ADAMTS5: variants seen among roughly 807,000 people sequenced by gnomAD.
ADAMTS5 encodes ADAM metallopeptidase with thrombospondin type 1 motif 5.
A neutral mutation model predicts 81.4 loss-of-function variants in ADAMTS5; 54 were observed. The observed-to-expected ratio is 0.66, with a 90% confidence interval of 0.53 to 0.83. The LOEUF is 0.83. ADAMTS5 is among the 40% of genes least tolerant of loss of function. The pLI, the probability that ADAMTS5 is intolerant of heterozygous loss-of-function variation, is 0.00. For missense variants in ADAMTS5, 1,194 were observed against 1,229.9 expected, an observed-to-expected ratio of 0.97 and a Z score of 0.44; for synonymous variants, 532 against 508.8, an observed-to-expected ratio of 1.05 and a Z score of -0.61.
At chr21:26,944,094 G>C (rs866578933) in intron 2 of ADAMTS5, among the ~76,000 whole-genome samples, 17 of 152,300 alleles carry the variant, frequency 1.1e-4, no homozygotes, top group African/African-American at 4.1e-4. Flanking sequence ...GACTAGGGGA[G>C]ACAAAGAAAG....
intron 7 of ADAMTS5, 146 bp from the exon 8 acceptor site, chr21:26,924,766 A>G: frequency 1.4e-6 from 1 of 689,722 alleles, no homozygotes; most frequent in South Asian, 2.2e-5. Flanking sequence ...GATTAGTTTA[A>G]AATTGGGTTT....
rs1055210554 is a variant in ADAMTS5 at position 26,920,224 on chromosome 21, G to A, written c.*3829C>T. Reference sequence around the variant, plus strand: ...CTTGTTAACAAGGAAGGAATCAATGGGGAAATATCACAACCAGAGATTGGC... The same window carrying A: ...CTTGTTAACAAGGAAGGAATCAATGAGGAAATATCACAACCAGAGATTGGC... On this transcript the variant is annotated 3_prime_UTR_variant, in exon 8 of 8. Coordinates refer to ENST00000284987, the MANE Select transcript of ADAMTS5 (RefSeq NM_007038.5). The A allele has an allele frequency of 1.3e-5, 2 of 152,040 alleles. No individual in the cohort carries two copies. The highest frequency in any genetic ancestry group is 2.9e-5 in the Non-Finnish European group (2 of 67,980). The allele number at this position is 152,040 out of a possible 1,614,324, so 9.4% of individuals were successfully genotyped here.
At chr21:26,952,796 C>T (rs890697698) in intron 2 of ADAMTS5, among the ~76,000 whole-genome samples, 2 of 152,170 alleles carry the variant, frequency 1.3e-5, no homozygotes, top group African/African-American at 4.8e-5. Context: ...GACTTAGAAC[C>T]TTTCTTATGG....
In ADAMTS5 at chr21:26,919,677, C is replaced by T. The variant is rs1986653142; in HGVS notation, c.*4376G>A. The T allele has an allele frequency of 6.6e-6, 1 of 151,840 alleles. No homozygotes were observed. The highest frequency in any genetic ancestry group is 1.5e-5 in the Non-Finnish European group (1 of 67,934). 9.4% of individuals were successfully genotyped at this position (151,840 alleles called of 1,614,324 possible). On this transcript the variant is annotated 3_prime_UTR_variant, in exon 8 of 8. Coordinates refer to ENST00000284987, the MANE Select transcript of ADAMTS5 (RefSeq NM_007038.5). ...GTTCTCATACATTAAATAAATGAAA[C>T]ACAATTATACATTATAGAGTTTATA...
At chr21:26,947,578 C>T (rs11088016) in intron 2 of ADAMTS5, among the ~76,000 whole-genome samples, 16,600 of 151,894 alleles carry the variant, frequency 0.11, 1,424 homozygotes, top group East Asian at 0.45. Flanking sequence ...GCAGTACAGG[C>T]GCACACCACC....
intron 1 of ADAMTS5, among the ~76,000 whole-genome samples, chr21:26,958,400 G>A (rs1342749176): frequency 6.6e-6 from 1 of 152,098 alleles, no homozygotes; most frequent in African/African-American, 2.4e-5. Context: ...TTTGTTCTGT[G>A]GATCTGATTC....
At position 26,923,597 on chromosome 21, in the gene ADAMTS5, T is replaced by C. The variant is rs1600996091; in HGVS notation, c.*456A>G. 1 of 153,636 alleles carries C rather than the reference T, an allele frequency of 6.5e-6. No homozygotes were observed. The highest frequency in any genetic ancestry group is 1.5e-5 in the Non-Finnish European group (1 of 68,682). 9.5% of individuals were successfully genotyped at this position (153,636 alleles called of 1,614,324 possible). ...CTACTTTGGTCAAACACTTTTTTTA[T>C]AGAAATATATATGGATATTTTAATA... On this transcript the variant is annotated 3_prime_UTR_variant, in exon 8 of 8. Transcript: ENST00000284987.
At position 26,966,273 on chromosome 21, in the gene ADAMTS5, G is replaced by A. The variant is rs1373475944; in HGVS notation, c.119C>T (p.Ala40Val). 1 of 1,570,118 alleles carries A rather than the reference G, an allele frequency of 6.4e-7. No homozygotes were observed. Among genetic ancestry groups the A allele is most frequent in the Non-Finnish European group, 8.6e-7 (1 of 1,162,274 alleles). ...KAGQPPTAAA[A>V]AQPRRRQGEE... ...CCCCTGCCGCCGGCGGGGCTGGGCG[G>A]CTGCTGCAGCAGTCGGAGGCTGCCC... Residue 40 changes from alanine to valine, a missense_variant, in exon 1 of 8, where the codon GCC becomes GTC. Ala to Val is a moderately conservative substitution (Grantham distance 64). Transcript: ENST00000284987.
rs1439486337 is a variant in ADAMTS5, at chr21:26,921,563, A to G, written c.*2490T>C. ...GACAGTACGAAGTCAAAGTGGACTG[A>G]CTTAGATTGAGTTGTATAGAATTTT... On this transcript the variant is annotated 3_prime_UTR_variant, in exon 8 of 8. Coordinates refer to ENST00000284987, the MANE Select transcript of ADAMTS5 (RefSeq NM_007038.5). The G allele has an allele frequency of 6.6e-6, 1 of 152,244 alleles. No homozygotes were observed. Among genetic ancestry groups the G allele is most frequent in the East Asian group, 1.9e-4 (1 of 5,200 alleles). The allele number at this position is 152,244 out of a possible 1,614,324, so 9.4% of individuals were successfully genotyped here.
intron 3 of ADAMTS5, among the ~76,000 whole-genome samples, chr21:26,935,599 G>A (rs187005847): frequency 5.1e-4 from 77 of 152,212 alleles, no homozygotes; most frequent in African/African-American, 1.7e-3. Flanking sequence ...TCTATCTGCC[G>A]AAACAAGGTA....
chr21:26,921,692 G>T lies in ADAMTS5; in HGVS notation c.*2361C>A, dbSNP rs1352366109. ...CAGGAATTTAGACATACATTCCTCA[G>T]TCAATCTAGTGAGACTCATAAGAAA... is the stretch of plus-strand genomic sequence containing the variant. On this transcript the variant is annotated 3_prime_UTR_variant, in exon 8 of 8. Coordinates refer to ENST00000284987, the MANE Select transcript of ADAMTS5 (RefSeq NM_007038.5). 1 of 152,324 alleles carries T rather than the reference G, an allele frequency of 6.6e-6. No individual in the cohort carries two copies. Among genetic ancestry groups the T allele is most frequent in the Non-Finnish European group, 1.5e-5 (1 of 67,936 alleles). 9.4% of individuals were successfully genotyped at this position (152,324 alleles called of 1,614,324 possible). A position where few individuals can be genotyped will look rare whatever the true frequency, so the allele number is the denominator to read the frequency against.
At chr21:26,961,940 C>T (rs1013695441) in intron 1 of ADAMTS5, among the ~76,000 whole-genome samples, 3 of 152,054 alleles carry the variant, frequency 2.0e-5, no homozygotes, top group South Asian at 4.2e-4. Flanking sequence ...GGAGAAATGC[C>T]GTGTGGGGAG....
chr21:26,961,010 G>A (rs768860790), intron 1 of ADAMTS5, among the ~76,000 whole-genome samples: 2 of 152,168 alleles, frequency 1.3e-5, no homozygotes, highest in Non-Finnish European at 2.9e-5. Context: ...TTCCCTGTCT[G>A]TTTCCAGGAA....
At chr21:26,940,453 G>C (rs1231968498) in intron 3 of ADAMTS5, among the ~76,000 whole-genome samples, 1 of 152,178 alleles carries the variant, frequency 6.6e-6, no homozygotes, top group Non-Finnish European at 1.5e-5. Context: ...TTGACCTTTA[G>C]AAAATGGTAC....
chr21:26,962,975 G>A (rs1987557736), intron 1 of ADAMTS5, among the ~76,000 whole-genome samples: 1 of 151,574 alleles, frequency 6.6e-6, no homozygotes, highest in Non-Finnish European at 1.5e-5. Context: ...CCCCTAATTA[G>A]TAACACTCTT....
intron 1 of ADAMTS5, among the ~76,000 whole-genome samples, chr21:26,962,211 T>TAA (rs34015667): frequency 6.7e-6 from 1 of 149,440 alleles, no homozygotes; most frequent in Non-Finnish European, 1.5e-5. Context: ...GCAAATGGTC[T>TAA]AAAAAAAAAC....
Position 26,965,719 on chromosome 21 carries a change from G to T in ADAMTS5, c.673C>A (p.His225Asn). 1 of 1,587,974 alleles carries T rather than the reference G, an allele frequency of 6.3e-7. No homozygotes were observed. The highest frequency in any genetic ancestry group is 8.6e-7 in the Non-Finnish European group (1 of 1,168,804). The change falls in exon 1 of 8, where the codon CAC (histidine) becomes AAC (asparagine). Residue 225 changes from histidine to asparagine, a missense_variant. His to Asn is a moderately conservative substitution (Grantham distance 68, BLOSUM62 1). Coordinates refer to ENST00000284987, the MANE Select transcript of ADAMTS5 (RefSeq NM_007038.5). ...GCTGCGCGTCCGCTCGGGTTGCTGTGCGCCGGAGCATGCTCGTGGGCCTCC... is the reference window on the plus strand; with the variant it reads ...GCTGCGCGTCCGCTCGGGTTGCTGTTCGCCGGAGCATGCTCGTGGGCCTCC... ...TPEAHEHAPA[H>N]SNPSGRAALA...
chr21:26,952,382 G>A lies in ADAMTS5; in HGVS notation c.1237+2357C>T, dbSNP rs538921461. On this transcript the variant is annotated intron_variant, in intron 2 of 7. Coordinates refer to ENST00000284987, the MANE Select transcript of ADAMTS5 (RefSeq NM_007038.5). ...TGTATATATTTAGTTTTAATATAAC[G>A]TTTGTGCTTATCAGCATCTGGCTTC... is the stretch of plus-strand genomic sequence containing the variant. Among the ~76,000 whole-genome samples the A allele has an allele frequency of 1.5e-4, 23 of 152,292 alleles. No homozygotes were observed. In the East Asian group the frequency reaches 3.5e-3, roughly 23 times the overall value.
At chr21:26,947,385 C>A (rs1315569446) in intron 2 of ADAMTS5, among the ~76,000 whole-genome samples, 6 of 152,042 alleles carry the variant, frequency 3.9e-5, no homozygotes, top group Non-Finnish European at 8.8e-5. Context: ...GAGTATTTTC[C>A]AAGCGGTGCC....
Sources: allele counts gnomAD v4.1 joint callset (sites outside exome capture counted in the v4.1 genomes callset), GRCh38; gene constraint gnomAD v4.1.1; transcripts MANE v1.5; gene names NCBI Gene and HGNC (gene_info 2026-07-23, HGNC 2026-07-21).